RALGAPA1: variants seen among roughly 807,000 people sequenced by gnomAD.
RALGAPA1 encodes Ral GTPase activating protein catalytic subunit alpha 1.
In RALGAPA1, 52 loss-of-function variants were observed where a neutral mutation model predicts 269.6. The observed-to-expected ratio is 0.19, with a 90% confidence interval of 0.15 to 0.24. The LOEUF (loss-of-function observed/expected upper bound fraction) is 0.24. RALGAPA1 is among the 10% of genes least tolerant of loss of function. RALGAPA1 has a pLI of 1.00. For synonymous variants in RALGAPA1, 817 were observed against 1,008.3 expected (o/e 0.81, Z 3.60); for missense variants, 1,917 against 3,013.9 (o/e 0.64, Z 8.52).
chr14:35,734,594 G>A (rs1185425322), intron 12 of RALGAPA1, among the ~76,000 whole-genome samples: 4 of 152,096 alleles, frequency 2.6e-5, no homozygotes, highest in Non-Finnish European at 5.9e-5. Context: ...CTGAAACAAT[G>A]AAAATTCTAG....
At position 35,745,087 on chromosome 14, in the gene RALGAPA1, C is replaced by T. The variant is rs543184467; in HGVS notation, c.1252-2522G>A. On this transcript the variant is annotated intron_variant, in intron 10 of 41. Coordinates refer to ENST00000680220, the MANE Select transcript of RALGAPA1 (RefSeq NM_001346249.2). The stretch of plus-strand genomic sequence containing the variant: ...TCCAAAATATGATTTTGCCAACATG[C>T]TAAATATGAATTGTGAGGAAAGACT... 3.2e-4 allele frequency among the ~76,000 whole-genome samples: 49 copies of T among 152,092 alleles called. 1 individual carries two copies. Among genetic ancestry groups the T allele is most frequent in the Admixed American group, 1.8e-3 (27 of 15,272 alleles).
chr14:35,776,106 A>C (rs1186445203), intron 1 of RALGAPA1, among the ~76,000 whole-genome samples: 2 of 152,196 alleles, frequency 1.3e-5, no homozygotes, highest in Non-Finnish European at 2.9e-5. Context: ...TCTGAAGGCC[A>C]GGTATGGTGG....
intron 27 of RALGAPA1, among the ~76,000 whole-genome samples, chr14:35,662,822 A>G (rs545822613): frequency 6.6e-6 from 1 of 152,148 alleles, no homozygotes; most frequent in South Asian, 2.1e-4. Flanking sequence ...AGCCATAGCT[A>G]TTACATCTTT....
chr14:35,651,841 T>C lies in RALGAPA1; in HGVS notation c.5640A>G (p.Pro1880=). 6.2e-7 allele frequency: 1 copy of C among 1,605,988 alleles called. No individual in the cohort carries two copies. The highest frequency in any genetic ancestry group is 8.5e-7 in the Non-Finnish European group (1 of 1,177,228). ...ILIATITHLL[P]STEASSYEMD... Reference sequence around the variant, plus strand: ...TTTCATAAGATGAAGCCTCTGTACTTGGTAAAAGATGGGTGATGGTAGCTA... The same window carrying C: ...TTTCATAAGATGAAGCCTCTGTACTCGGTAAAAGATGGGTGATGGTAGCTA... Residue 1880 remains proline (P), a synonymous_variant, in exon 31 of 42, where the codon CCA becomes CCG. Coordinates refer to ENST00000680220, the MANE Select transcript of RALGAPA1 (RefSeq NM_001346249.2).
chr14:35,721,609 T>G, intron 16 of RALGAPA1, 79 bp downstream of exon 16: 1 of 1,290,864 alleles, frequency 7.7e-7, no homozygotes, highest in Non-Finnish European at 1.1e-6. Context: ...GTAAGAAAAA[T>G]TTATATTGAT....
intron 36 of RALGAPA1, 33 bp downstream of exon 36, chr14:35,605,553 A>G (rs755726505): frequency 6.5e-7 from 1 of 1,548,828 alleles, no homozygotes; most frequent in Non-Finnish European, 8.7e-7. Context: ...ATGCTTCCAA[A>G]TATAAATATT....
intron 7 of RALGAPA1, among the ~76,000 whole-genome samples, chr14:35,754,580 G>T (rs549397424): frequency 6.6e-6 from 1 of 152,266 alleles, no homozygotes; most frequent in East Asian, 1.9e-4. Flanking sequence ...TGTTGGTGAG[G>T]ATGTGAAGCA....
intron 35 of RALGAPA1, among the ~76,000 whole-genome samples, chr14:35,611,714 A>C (rs2059947679): frequency 6.6e-6 from 1 of 152,036 alleles, no homozygotes; most frequent in Non-Finnish European, 1.5e-5. Flanking sequence ...TAGGCTGGGC[A>C]AAAGAGTGAG....
chr14:35,542,218 A>T (rs75261254), intron 41 of RALGAPA1: 84,161 of 322,170 alleles, frequency 0.26, 12,248 homozygotes, highest in Admixed American at 0.35. Context: ...AAATTTATTG[A>T]ATTAAAATGA....
intron 1 of RALGAPA1, among the ~76,000 whole-genome samples, chr14:35,786,366 G>A (rs756630083): frequency 6.6e-5 from 10 of 152,136 alleles, no homozygotes; most frequent in Non-Finnish European, 1.5e-4. Context: ...CCAGCCAGGC[G>A]CGGTAGCTCA....
At chr14:35,675,042 T>C (rs1007897812) in intron 22 of RALGAPA1, among the ~76,000 whole-genome samples, 1 of 152,186 alleles carries the variant, frequency 6.6e-6, no homozygotes, top group Non-Finnish European at 1.5e-5. Context: ...CTCACTTTTA[T>C]CTAATAGCAA....
At chr14:35,712,383 C>CT (rs1371566711) in intron 16 of RALGAPA1, among the ~76,000 whole-genome samples, 1 of 152,036 alleles carries the variant, frequency 6.6e-6, no homozygotes, top group Non-Finnish European at 1.5e-5. Context: ...TTTCTGACCT[C>CT]TATCACTTTC....
At chr14:35,774,900 C>A in intron 3 of RALGAPA1, 106 bp downstream of exon 3, 1 of 715,096 alleles carries the variant, frequency 1.4e-6, no homozygotes, top group South Asian at 1.8e-5. Context: ...GAAAGGCTGG[C>A]AAATTCAGAG....
intron 16 of RALGAPA1, among the ~76,000 whole-genome samples, chr14:35,703,871 C>T (rs2067571602): frequency 6.6e-6 from 1 of 151,432 alleles, no homozygotes; most frequent in African/African-American, 2.4e-5. Flanking sequence ...AAAAAAAATG[C>T]ATTCCCATAA....
At chr14:35,617,128 G>A (rs1044160741) in intron 35 of RALGAPA1, among the ~76,000 whole-genome samples, 1 of 152,200 alleles carries the variant, frequency 6.6e-6, no homozygotes, top group Admixed American at 6.5e-5. Flanking sequence ...GTGAAGCATA[G>A]GAGTAGATTA....
At chr14:35,787,875 C>A (rs987549386) in intron 1 of RALGAPA1, among the ~76,000 whole-genome samples, 2 of 151,988 alleles carry the variant, frequency 1.3e-5, no homozygotes, top group Non-Finnish European at 2.9e-5. Context: ...AGCCACTGCA[C>A]CCAGACCCTA....
chr14:35,616,947 G>A (rs2060288121), intron 35 of RALGAPA1, among the ~76,000 whole-genome samples: 1 of 152,222 alleles, frequency 6.6e-6, no homozygotes, highest in Non-Finnish European at 1.5e-5. Flanking sequence ...TCAGAATTGA[G>A]AACCCACAGA....
At chr14:35,650,612 C>T (rs1413767064) in intron 31 of RALGAPA1, among the ~76,000 whole-genome samples, 1 of 151,972 alleles carries the variant, frequency 6.6e-6, no homozygotes, top group African/African-American at 2.4e-5. Flanking sequence ...CTATGAAAGC[C>T]TCATGTATGC....
chr14:35,745,505 C>T (rs1368612635), intron 10 of RALGAPA1, among the ~76,000 whole-genome samples: 4 of 151,862 alleles, frequency 2.6e-5, no homozygotes, highest in African/African-American at 9.7e-5. Context: ...GTGGCTCATG[C>T]CTGTAATCCC....
Sources: gnomAD v4.1 joint callset for allele counts (sites outside exome capture counted in the v4.1 genomes callset) on GRCh38, gnomAD v4.1.1 for gene constraint, MANE v1.5 for transcripts, NCBI Gene and HGNC (gene_info 2026-07-23, HGNC 2026-07-21) for gene names.